The following SMARCA2 variants were observed in gnomAD, a reference collection of about 807,000 sequenced individuals.
SMARCA2 encodes the protein SWI/SNF-related matrix-associated actin-dependent regulator of chromatin subfamily A member 2.
A neutral mutation model predicts 199.8 loss-of-function variants in SMARCA2; 61 were observed. The observed-to-expected ratio is 0.31, with a 90% CI of 0.25 to 0.38. SMARCA2 has a LOEUF of 0.38. Among genes scored for constraint, SMARCA2 ranks in the 10% least tolerant of loss-of-function variants. SMARCA2 has a pLI of 1.00. For synonymous variants in SMARCA2, 935 were observed against 732.0 expected, an observed-to-expected ratio of 1.28 and a Z score of -4.48; for missense variants, 1,344 against 2,012.2, an observed-to-expected ratio of 0.67 and a Z score of 6.35.
intron 25 of SMARCA2, among the ~76,000 whole-genome samples, chr9:2,118,073 A>G (rs944826804): frequency 1.3e-5 from 2 of 152,188 alleles, no homozygotes; most frequent in Non-Finnish European, 2.9e-5. Flanking sequence ...GAATCTTTTC[A>G]TCTTGGGCAT....
chr9:2,085,102 C>T (rs947414249), intron 17 of SMARCA2, among the ~76,000 whole-genome samples: 6 of 152,102 alleles, frequency 3.9e-5, no homozygotes, highest in African/African-American at 1.4e-4. Flanking sequence ...GAGTTCCCTT[C>T]ATGGCATCAT....
At chr9:2,023,991 T>C (rs763815091) in intron 1 of SMARCA2, among the ~76,000 whole-genome samples, 5 of 152,240 alleles carry the variant, frequency 3.3e-5, no homozygotes, top group Non-Finnish European at 7.3e-5. Context: ...GGACTGGGCC[T>C]AACTTTTATT....
chr9:2,129,911 T>C (rs1467346518), intron 27 of SMARCA2, among the ~76,000 whole-genome samples: 1 of 152,174 alleles, frequency 6.6e-6, no homozygotes, highest in Non-Finnish European at 1.5e-5. Context: ...TGGAGTATAG[T>C]GGTGTAATCT....
chr9:2,117,259 C>T (rs1213640902), intron 25 of SMARCA2, among the ~76,000 whole-genome samples: 1 of 151,950 alleles, frequency 6.6e-6, no homozygotes, highest in African/African-American at 2.4e-5. Context: ...TGAAATGAAC[C>T]CATTTGCAAA....
chr9:2,157,480 G>C (rs1825427592), intron 27 of SMARCA2, among the ~76,000 whole-genome samples: 1 of 152,170 alleles, frequency 6.6e-6, no homozygotes, highest in Admixed American at 6.5e-5. Context: ...TAAGGGAGGA[G>C]GATCCCCAGA....
At chr9:2,182,677 T>C (rs1430507212) in intron 31 of SMARCA2, among the ~76,000 whole-genome samples, 1 of 152,050 alleles carries the variant, frequency 6.6e-6, no homozygotes, top group East Asian at 1.9e-4. Context: ...GTATTTGTAG[T>C]ACAGATGGAG....
intron 26 of SMARCA2, among the ~76,000 whole-genome samples, chr9:2,120,837 A>T (rs558567715): frequency 6.6e-6 from 1 of 152,332 alleles, no homozygotes; most frequent in East Asian, 1.9e-4. Context: ...AGTAAGAAAG[A>T]CTTAACAGCA....
chr9:2,069,258 G>A (rs532652075), intron 9 of SMARCA2, among the ~76,000 whole-genome samples: 3 of 151,830 alleles, frequency 2.0e-5, no homozygotes, highest in South Asian at 2.1e-4. Flanking sequence ...TGTTTTTGAG[G>A]CACATAGAAG....
At chr9:2,129,064 C>T (rs552945857) in intron 27 of SMARCA2, among the ~76,000 whole-genome samples, 2 of 152,280 alleles carry the variant, frequency 1.3e-5, no homozygotes, top group Admixed American at 6.5e-5. Flanking sequence ...GCTAGAACAA[C>T]TCACAGAACT....
intron 29 of SMARCA2, among the ~76,000 whole-genome samples, chr9:2,178,099 G>T (rs957656860): frequency 4.6e-5 from 7 of 151,082 alleles, no homozygotes; most frequent in Admixed American, 4.0e-4. Context: ...CATACAAGGA[G>T]TTCAAACTAC....
chr9:2,068,093 C>T (rs1169837652), intron 9 of SMARCA2, among the ~76,000 whole-genome samples: 2 of 152,106 alleles, frequency 1.3e-5, no homozygotes, highest in East Asian at 3.8e-4. Flanking sequence ...AATTGACTTT[C>T]CCCCATTAAT....
intron 9 of SMARCA2, among the ~76,000 whole-genome samples, chr9:2,064,716 C>G (rs1162987674): frequency 6.6e-6 from 1 of 152,284 alleles, no homozygotes; most frequent in East Asian, 1.9e-4. Context: ...GTGATAAACT[C>G]TGCCTACCAC....
chr9:2,131,981 G>C (rs1241291793), intron 27 of SMARCA2, among the ~76,000 whole-genome samples: 1 of 150,964 alleles, frequency 6.6e-6, no homozygotes, highest in Admixed American at 6.6e-5. Flanking sequence ...TATAATACTA[G>C]GTGCTAATCA....
chr9:2,077,863 G>T, intron 14 of SMARCA2, 87 bp downstream of exon 14: 1 of 1,228,726 alleles, frequency 8.1e-7, no homozygotes, highest in Non-Finnish European at 1.1e-6. Context: ...GTTGACTAAG[G>T]GCTTTTGATG....
chr9:2,177,185 C>A (rs1007207892), intron 29 of SMARCA2, among the ~76,000 whole-genome samples: 1 of 152,316 alleles, frequency 6.6e-6, no homozygotes, highest in African/African-American at 2.4e-5. Flanking sequence ...GCACACTTCA[C>A]CTACTGCCCT....
At chr9:2,139,228 C>T (rs943188195) in intron 27 of SMARCA2, among the ~76,000 whole-genome samples, 5 of 152,164 alleles carry the variant, frequency 3.3e-5, no homozygotes, top group Non-Finnish European at 5.9e-5. Flanking sequence ...GTTTAATTGA[C>T]GTGAGGCCAG....
At chr9:2,185,929 T>G (rs533643135) in intron 31 of SMARCA2, among the ~76,000 whole-genome samples, 167 bp from the exon 32 acceptor site, 1 of 152,180 alleles carries the variant, frequency 6.6e-6, no homozygotes, top group Admixed American at 6.5e-5. Context: ...TGTATGTCTG[T>G]ATTTGGGCTT....
intron 14 of SMARCA2, 74 bp from the exon 15 acceptor site, chr9:2,081,758 C>G: frequency 7.2e-7 from 1 of 1,391,066 alleles, no homozygotes; most frequent in African/African-American, 1.4e-5. Flanking sequence ...GAAGTCACAC[C>G]CTCACTTGGG....
At chr9:2,188,627 CCTTGGTAT>C (rs1478651172) in intron 32 of SMARCA2, among the ~76,000 whole-genome samples, 2 of 152,150 alleles carry the variant, frequency 1.3e-5, no homozygotes, top group Admixed American at 6.5e-5. Context: ...ATTTCTCAAG[CCTTGGTAT>C]ATTAATTTTC....
Sources: allele counts gnomAD v4.1 joint callset (sites outside exome capture counted in the v4.1 genomes callset), GRCh38; gene constraint gnomAD v4.1.1; transcripts MANE v1.5; gene names NCBI Gene and HGNC (gene_info 2026-07-23, HGNC 2026-07-21).